The following PHLPP1 variants were observed in gnomAD, a reference collection of about 807,000 sequenced individuals.
PHLPP1 encodes PH domain and leucine rich repeat protein phosphatase 1.
Under a neutral mutation model 117.2 loss-of-function variants are expected in PHLPP1, and 42 were observed. The observed-to-expected ratio is 0.36, with a 90% CI of 0.28 to 0.46. The LOEUF (loss-of-function observed/expected upper bound fraction) is 0.46. PHLPP1 is among the 20% of genes least tolerant of loss of function. The pLI is 1.00. For missense variants in PHLPP1, 2,084 were observed against 2,241.9 expected (o/e 0.93, Z 1.42); for synonymous variants, 1,042 against 970.7 (o/e 1.07, Z -1.37).
rs765822650 is a variant in PHLPP1, at chr18:62,975,385, T to G, written c.3756-12T>G. 13 of 1,600,500 alleles carry G rather than the reference T, an allele frequency of 8.1e-6. No individual in the cohort carries two copies. The highest frequency in any genetic ancestry group is 1.1e-5 in the Non-Finnish European group (13 of 1,168,732). ...CTGTGTTTGAGTGTCACCCCCTCTC[T>G]TCGGATTCCAGGAAACTTGGAACTG... On this transcript the variant is annotated splice_polypyrimidine_tract_variant and intron_variant, in intron 15 of 16. Transcript: ENST00000262719.
intron 1 of PHLPP1, among the ~76,000 whole-genome samples, chr18:62,745,825 A>G (rs1445731752): frequency 6.6e-6 from 1 of 152,218 alleles, no homozygotes; most frequent in Non-Finnish European, 1.5e-5. Flanking sequence ...CCAGTGTTCT[A>G]CATATGAATC....
intron 4 of PHLPP1, among the ~76,000 whole-genome samples, chr18:62,878,890 T>C (rs1269612238): frequency 6.6e-6 from 1 of 152,184 alleles, no homozygotes; most frequent in Non-Finnish European, 1.5e-5. Context: ...TCAAAGTTTT[T>C]CATAGGCAAA....
At chr18:62,783,789 G>C (rs963309134) in intron 1 of PHLPP1, among the ~76,000 whole-genome samples, 13 of 151,998 alleles carry the variant, frequency 8.6e-5, no homozygotes, top group Admixed American at 8.5e-4. Flanking sequence ...CTTATGGGGT[G>C]AAATGATTGA....
Position 62,979,280 on chromosome 18 carries a change from C to T in PHLPP1, c.5003C>T (p.Pro1668Leu), listed in dbSNP as rs774133103. Reference sequence around the variant, plus strand: ...CCTGATGATCAGTTTATCATACCCCCGGAGCTGGAAGAGGAGGTCAAAGAA... The same window carrying T: ...CCTGATGATCAGTTTATCATACCCCTGGAGCTGGAAGAGGAGGTCAAAGAA... ...PDPDDQFIIP[P>L]ELEEEVKEIM... Residue 1668 changes from proline (P) to leucine (L), a missense_variant, in exon 17 of 17, where the codon CCG (proline) becomes CTG (leucine). Physicochemically the swap from Pro to Leu is moderately conservative, Grantham distance 98. Around this residue, in one of 2 missense-constraint regions of PHLPP1, gnomAD observed 1,365 missense variants for 1,605.9 expected, o/e 0.85. Transcript: ENST00000262719. The T allele has an allele frequency of 1.2e-4, 180 of 1,563,166 alleles. No individual in the cohort carries two copies. Among genetic ancestry groups the T allele is most frequent in the Non-Finnish European group, 1.4e-4 (162 of 1,153,450 alleles).
intron 1 of PHLPP1, among the ~76,000 whole-genome samples, chr18:62,800,575 G>A (rs1261749703): frequency 1.3e-5 from 2 of 151,660 alleles, no homozygotes; most frequent in East Asian, 3.9e-4. Flanking sequence ...GGGAAAGTGA[G>A]TGAGGGTGGC....
In PHLPP1 at chr18:62,953,786, A is replaced by T. The variant is rs114429544; in HGVS notation, c.3325-4843A>T. On this transcript the variant is annotated intron_variant, in intron 12 of 16. Coordinates refer to ENST00000262719, the MANE Select transcript of PHLPP1 (RefSeq NM_194449.4). ...CAAGGGCAAGGAAATCCAGACTGTG[A>T]TTGGGATCCTCATTTTTGGAACTGA... is the stretch of plus-strand genomic sequence containing the variant. Among the ~76,000 whole-genome samples the T allele has an allele frequency of 2.9e-3, 448 of 152,322 alleles. 1 individual carries two copies. The highest frequency in any genetic ancestry group is 0.01 in the African/African-American group (420 of 41,568).
intron 1 of PHLPP1, among the ~76,000 whole-genome samples, chr18:62,765,242 G>A (rs8085189): frequency 0.032 from 4,797 of 152,108 alleles, 231 homozygotes; most frequent in African/African-American, 0.11. Context: ...TCTCATGTTC[G>A]ATGCTACGAT....
chr18:62,797,669 T>C (rs904104468), intron 1 of PHLPP1, among the ~76,000 whole-genome samples: 2 of 152,244 alleles, frequency 1.3e-5, no homozygotes, highest in Non-Finnish European at 2.9e-5. Context: ...ACTTGTTATG[T>C]GCAGACCTTG....
In PHLPP1 at chr18:62,716,274, C is replaced by T. The variant is rs1038320366; in HGVS notation, c.591C>T (p.His197=). 2,651 of 1,530,834 alleles carry T rather than the reference C, an allele frequency of 1.7e-3. 4 individuals carry two copies. The highest frequency in any genetic ancestry group is 2.2e-3 in the Non-Finnish European group (2,503 of 1,145,050). The allele number at this position is 1,530,834 out of a possible 1,614,324, so 94.8% of individuals were successfully genotyped here. The change falls in exon 1 of 17, where the codon CAC becomes CAT. Residue 197 remains histidine (H), a synonymous_variant. Transcript: ENST00000262719. This position sits in a 1 kb window ranked among gnomAD's most constrained non-coding sequence, Gnocchi z 5.7. ...CGTCGGACCGGGACTGGGTGAGGCACCAGCTCCAGCGCGGCTGCGTGCACG... is the reference window on the plus strand; with the variant it reads ...CGTCGGACCGGGACTGGGTGAGGCATCAGCTCCAGCGCGGCTGCGTGCACG... ...LQPSDRDWVR[H]QLQRGCVHVF...
chr18:62,864,995 TA>T, intron 4 of PHLPP1, among the ~76,000 whole-genome samples: 1 of 152,310 alleles, frequency 6.6e-6, no homozygotes, highest in South Asian at 2.1e-4. Context: ...GCAAAATACT[TA>T]AGCTTAGGTT....
chr18:62,841,220 T>G (rs1041333517), intron 3 of PHLPP1, among the ~76,000 whole-genome samples: 1 of 152,096 alleles, frequency 6.6e-6, no homozygotes, highest in Non-Finnish European at 1.5e-5. Flanking sequence ...TTCCATTGCC[T>G]TTTTTCTGTT....
At chr18:62,817,923 C>T (rs1045505339) in intron 1 of PHLPP1, among the ~76,000 whole-genome samples, 13 of 142,518 alleles carry the variant, frequency 9.1e-5, no homozygotes, top group African/African-American at 3.4e-4. Context: ...GGCGAGATCT[C>T]GGCTCACTGC....
intron 1 of PHLPP1, among the ~76,000 whole-genome samples, chr18:62,777,824 C>T (rs1257050615): frequency 6.6e-6 from 1 of 152,202 alleles, no homozygotes; most frequent in Admixed American, 6.5e-5. Context: ...TTTTGTCTCT[C>T]ACATTAAAAC....
intron 1 of PHLPP1, among the ~76,000 whole-genome samples, chr18:62,761,098 C>G (rs997307296): frequency 6.6e-6 from 1 of 151,936 alleles, no homozygotes; most frequent in Non-Finnish European, 1.5e-5. Flanking sequence ...CTCCTGAGCT[C>G]AAGCAATCTG....
chr18:62,923,898 A>G (rs1359022244), intron 10 of PHLPP1, among the ~76,000 whole-genome samples: 3 of 152,198 alleles, frequency 2.0e-5, no homozygotes, highest in Non-Finnish European at 4.4e-5. Context: ...AGGTGGTTTC[A>G]GTTGTGATTT....
chr18:62,804,040 G>A (rs1265349376), intron 1 of PHLPP1, among the ~76,000 whole-genome samples: 1 of 152,136 alleles, frequency 6.6e-6, no homozygotes, highest in Non-Finnish European at 1.5e-5. Flanking sequence ...AATATATAAA[G>A]GGAAAGATGT....
At position 62,972,582 on chromosome 18, in the gene PHLPP1, A is replaced by G. The variant is rs756914653; in HGVS notation, c.3629A>G (p.Asp1210Gly). 2 of 1,613,916 alleles carry G rather than the reference A, an allele frequency of 1.2e-6. No individual in the cohort carries two copies. Among genetic ancestry groups the G allele is most frequent in the Non-Finnish European group, 1.7e-6 (2 of 1,179,886 alleles). The change falls in exon 15 of 17, where the codon GAC becomes GGC. Residue 1210 changes from aspartate (D) to glycine (G), a missense_variant. Asp to Gly is a moderately conservative substitution (Grantham distance 94). Around this residue, in one of 2 missense-constraint regions of PHLPP1, gnomAD observed 1,365 missense variants for 1,605.9 expected, o/e 0.85. Coordinates refer to ENST00000262719, the MANE Select transcript of PHLPP1 (RefSeq NM_194449.4). ...CGCGAAGCCCTGTATGGTGTGTTTG[A>G]CGGAGACCGGAATGTGGAGGTGCCC... is the stretch of plus-strand genomic sequence containing the variant. ...DNREALYGVF[D>G]GDRNVEVPYL...
At chr18:62,966,702 C>T (rs1910914646) in intron 14 of PHLPP1, among the ~76,000 whole-genome samples, 2 of 152,132 alleles carry the variant, frequency 1.3e-5, no homozygotes, top group Admixed American at 1.3e-4. Flanking sequence ...ATCTCCTGAC[C>T]TCATGATCCG....
At chr18:62,962,608 A>C (rs896515767) in intron 13 of PHLPP1, among the ~76,000 whole-genome samples, 4 of 152,030 alleles carry the variant, frequency 2.6e-5, no homozygotes, top group Admixed American at 2.0e-4. Context: ...CGCGCCTGGC[A>C]AGGCTGATTT....
Sources: allele counts gnomAD v4.1 joint callset (sites outside exome capture counted in the v4.1 genomes callset), GRCh38; gene constraint gnomAD v4.1.1; regional missense constraint gnomAD v4.1.1; non-coding constraint Gnocchi (gnomAD v3.1); transcripts MANE v1.5; gene names NCBI Gene and HGNC (gene_info 2026-07-23, HGNC 2026-07-21).